RANBP1: variants seen among roughly 807,000 people sequenced by gnomAD.
RANBP1 encodes the protein ran-specific GTPase-activating protein.
RANBP1 carries 16 observed loss-of-function variants against 31.4 expected under a neutral mutation model. The ratio of observed to expected loss-of-function variants is 0.51; its 90% confidence interval spans 0.34 to 0.77. The LOEUF (loss-of-function observed/expected upper bound fraction) is 0.77, where lower values mean the gene tolerates loss of function less well. Among genes scored for constraint, RANBP1 ranks in the 30% least tolerant of loss-of-function variants. RANBP1 has a pLI of 0.01. For missense variants in RANBP1, 265 were observed against 362.0 expected (o/e 0.73, Z 2.17); for synonymous variants, 129 against 140.5 (o/e 0.92, Z 0.58).
Position 20,117,911 on chromosome 22 carries a change from G to A in RANBP1, c.247-1102G>A, listed in dbSNP as rs1051358718. 3.0e-6 allele frequency: 3 copies of A among 1,016,802 alleles called. No individual in the cohort carries two copies. The African/African-American group carries it at 5.2e-5, about 18-fold the overall frequency. 63.0% of individuals were successfully genotyped at this position (1,016,802 alleles called of 1,614,324 possible). ...GCTGCAGGGCCCCCGCGTGACCTTGGGGTGGGTTGGGGAGCGGCCGTCGCC... is the reference window on the plus strand; with the variant it reads ...GCTGCAGGGCCCCCGCGTGACCTTGAGGTGGGTTGGGGAGCGGCCGTCGCC... On this transcript the variant is annotated intron_variant, in intron 1 of 5. Transcript: ENST00000430524.
chr22:20,126,808 A>C (rs2147994964), intron 5 of RANBP1, 144 bp from the exon 6 acceptor site: 1 of 1,349,614 alleles, frequency 7.4e-7, no homozygotes, highest in African/African-American at 1.5e-5. Context: ...AGACTCCAGG[A>C]GGCGGCTTGG....
At chr22:20,123,627 C>T (rs974419966) in intron 3 of RANBP1, among the ~76,000 whole-genome samples, 6 of 151,848 alleles carry the variant, frequency 4.0e-5, no homozygotes, top group Admixed American at 6.6e-5. Context: ...GGGAGGGGAA[C>T]GGGGCTGAGA....
chr22:20,125,423 C>T lies in RANBP1; in HGVS notation c.657C>T (p.Phe219=), dbSNP rs201337443. The T allele has an allele frequency of 3.1e-6, 5 of 1,607,004 alleles. No individual in the cohort carries two copies. The highest frequency in any genetic ancestry group is 4.2e-6 in the Non-Finnish European group (5 of 1,177,036). ...AGCCAGAGCTGCTGGCCATCCGCTT[C>T]CTGAATGCTGAGAGTGAGCCAAGGG... ...CPKPELLAIR[F]LNAENAQKFK... The change falls in exon 4 of 6, where the codon TTC becomes TTT. Residue 219 remains phenylalanine, a synonymous_variant. Coordinates refer to ENST00000430524, the MANE Select transcript of RANBP1 (RefSeq NM_001278639.2).
chr22:20,117,687 A>G, intron 1 of RANBP1: 1 of 600,920 alleles, frequency 1.7e-6, no homozygotes, highest in Non-Finnish European at 2.0e-6. Flanking sequence ...CCAAGCGGGG[A>G]CAGGGTGGGC....
intron 3 of RANBP1, chr22:20,122,676 C>T: frequency 1.4e-6 from 2 of 1,409,520 alleles, no homozygotes; most frequent in South Asian, 1.2e-5. Context: ...ACGCAGCGCC[C>T]AGGCTGGGCT....
chr22:20,123,419 GGT>G (rs1272849352), intron 3 of RANBP1, among the ~76,000 whole-genome samples: 1 of 72,682 alleles, frequency 1.4e-5, no homozygotes, highest in Non-Finnish European at 3.3e-5. Context: ...GGGGTGTTGG[GGT>G]GTGTGGTGTT....
rs1335050329 is a variant in RANBP1, at chr22:20,122,721, T to C, written c.541+300T>C. ...GAGTGAGTGCTGCAGGGCGAGGGGG[T>C]GCTGTGTGTGTGTGTGTGTGTGTGT... On this transcript the variant is annotated intron_variant, in intron 3 of 5. Coordinates refer to ENST00000430524, the MANE Select transcript of RANBP1 (RefSeq NM_001278639.2). 3.4e-6 allele frequency: 3 copies of C among 875,190 alleles called. No individual in the cohort carries two copies. The African/African-American group carries it at 1.1e-4, about 31-fold the overall frequency. The allele number at this position is 875,190 out of a possible 1,614,324, so 54.2% of individuals were successfully genotyped here. A position where few individuals can be genotyped will look rare whatever the true frequency, so the allele number is the denominator to read the frequency against.
chr22:20,126,491 G>C, intron 5 of RANBP1, 123 bp downstream of exon 5: 1 of 1,596,446 alleles, frequency 6.3e-7, no homozygotes, highest in Non-Finnish European at 8.5e-7. Flanking sequence ...GCCGCCTCAC[G>C]TATCCAGAGT....
chr22:20,117,633 G>A, intron 1 of RANBP1: 1 of 1,142,622 alleles, frequency 8.8e-7, no homozygotes, highest in Non-Finnish European at 1.1e-6. Context: ...CCGAGCCGCC[G>A]CCGCCGCCGC....
intron 4 of RANBP1, among the ~76,000 whole-genome samples, chr22:20,125,792 T>G (rs747945921): frequency 6.6e-6 from 1 of 152,258 alleles, no homozygotes; most frequent in Non-Finnish European, 1.5e-5. Context: ...GTGCCAGGCT[T>G]CTGGTTCACT....
intron 1 of RANBP1, chr22:20,116,984 G>C (rs1418384200): frequency 6.7e-7 from 1 of 1,495,586 alleles, no homozygotes; most frequent in East Asian, 2.4e-5. Context: ...TGTCACAAGG[G>C]AAGTGGCCTG....
At chr22:20,116,674 GCTTC>G in intron 1 of RANBP1, 1 of 1,497,282 alleles carries the variant, frequency 6.7e-7, no homozygotes. Flanking sequence ...GGCCCCCCAA[GCTTC>G]CTTATGGGAC....
intron 1 of RANBP1, chr22:20,117,153 G>C: frequency 1.8e-6 from 1 of 556,372 alleles, no homozygotes; most frequent in East Asian, 3.4e-5. Context: ...CCCGCCAGGG[G>C]CCCGCGCCGG....
rs745899867 is a variant in RANBP1 at position 20,116,411 on chromosome 22, C to T, written c.227C>T (p.Ser76Phe). ...GCGTGGCGAGGCACGTTCTGCAGCTCCAGTTTAAAGATCTCAGAGGTAAAC... is the reference window on the plus strand; with the variant it reads ...GCGTGGCGAGGCACGTTCTGCAGCTTCAGTTTAAAGATCTCAGAGGTAAAC... ...KLAWRGTFCS[S>F]SLKISEDTHE... Residue 76 changes from serine (S) to phenylalanine (F), a missense_variant, in exon 1 of 6, where the codon TCC becomes TTC. This residue lies in a region of RANBP1 where 126 missense variants were observed against 123.6 expected (regional missense o/e 1.02). Coordinates refer to ENST00000430524, the MANE Select transcript of RANBP1 (RefSeq NM_001278639.2). 23 of 1,611,786 alleles carry T rather than the reference C, an allele frequency of 1.4e-5. No homozygotes were observed. Among genetic ancestry groups the T allele is most frequent in the Non-Finnish European group, 1.9e-5 (22 of 1,178,982 alleles).
intron 3 of RANBP1, among the ~76,000 whole-genome samples, chr22:20,123,431 T>TG (rs533083024): frequency 2.7e-4 from 6 of 22,168 alleles, no homozygotes; most frequent in Admixed American, 1.4e-3. Context: ...TGTGTGGTGT[T>TG]GGGGGGGGTG....
At chr22:20,118,660 G>A (rs1244989892) in intron 1 of RANBP1, among the ~76,000 whole-genome samples, 2 of 152,218 alleles carry the variant, frequency 1.3e-5, no homozygotes, top group African/African-American at 2.4e-5. Flanking sequence ...TATGGATGAG[G>A]AAGAAACTGA....
intron 3 of RANBP1, among the ~76,000 whole-genome samples, chr22:20,123,460 T>G (rs1175529153): frequency 3.1e-4 from 15 of 49,070 alleles, no homozygotes; most frequent in South Asian, 9.4e-4. Flanking sequence ...CTGGGGGGGT[T>G]TGGTGTCTGA....
chr22:20,123,743 A>G (rs1370255121), intron 3 of RANBP1, among the ~76,000 whole-genome samples: 2 of 152,036 alleles, frequency 1.3e-5, no homozygotes, highest in Admixed American at 6.5e-5. Context: ...CTGGCCTGCA[A>G]AGAAGTGGCA....
chr22:20,118,075 G>A, intron 1 of RANBP1: 7 of 997,904 alleles, frequency 7.0e-6, no homozygotes, highest in Non-Finnish European at 8.4e-6. Context: ...CGGTTCTTAC[G>A]TCTGGAACCG....
Sources: allele counts gnomAD v4.1 joint callset (sites outside exome capture counted in the v4.1 genomes callset), GRCh38; gene constraint gnomAD v4.1.1; regional missense constraint gnomAD v4.1.1; transcripts MANE v1.5; gene names NCBI Gene and HGNC (gene_info 2026-07-23, HGNC 2026-07-21).